Variants in UMAD1 observed in about 807,000 individuals in gnomAD.
UMAD1 encodes the protein UBAP1-MVB12-associated (UMA)-domain containing protein 1.
UMAD1 carries 8 observed loss-of-function variants against 6.1 expected under a neutral mutation model. That is an observed-to-expected ratio of 1.30 (90% CI 0.76 to 2.35). The LOEUF is 2.35. Ranked by LOEUF, UMAD1 falls within the 30% of genes most tolerant of loss-of-function variation. UMAD1 has a pLI of 0.00. For missense variants in UMAD1, 130 were observed against 78.4 expected (o/e 1.66, Z -2.49); for synonymous variants, 56 against 31.4 (o/e 1.78, Z -2.61).
intron 2 of UMAD1, among the ~76,000 whole-genome samples, chr7:7,793,949 A>G (rs1214813931): frequency 1.3e-5 from 2 of 152,220 alleles, no homozygotes; most frequent in Non-Finnish European, 2.9e-5. Flanking sequence ...CTTCGAAAAA[A>G]AATTTTTTTT....
At position 7,757,506 on chromosome 7, in the gene UMAD1, G is replaced by A. The variant is rs549781590; in HGVS notation, c.83-44164G>A. 5.7e-4 allele frequency among the ~76,000 whole-genome samples: 87 copies of A among 152,288 alleles called. 1 individual carries two copies. Among genetic ancestry groups the A allele is most frequent in the African/African-American group, 2.0e-3 (82 of 41,552 alleles). ...GTGTTGCAGAAGGAGAAATACTTAA[G>A]CTACCAAAGTAAAGCTACTTTAATC... On this transcript the variant is annotated intron_variant, in intron 2 of 3. Transcript: ENST00000682710.
At chr7:7,856,390 C>A (rs750347598) in intron 3 of UMAD1, among the ~76,000 whole-genome samples, 4 of 152,174 alleles carry the variant, frequency 2.6e-5, no homozygotes, top group African/African-American at 7.2e-5. Flanking sequence ...AGAATGAGTG[C>A]CAGCAGGGGA....
intron 3 of UMAD1, among the ~76,000 whole-genome samples, chr7:7,871,467 C>T (rs1279332707): frequency 6.6e-6 from 1 of 152,182 alleles, no homozygotes; most frequent in East Asian, 1.9e-4. Flanking sequence ...CTCTCTGTGC[C>T]TCAGTTTCCT....
At chr7:7,786,138 C>A (rs557482038) in intron 2 of UMAD1, among the ~76,000 whole-genome samples, 1 of 152,144 alleles carries the variant, frequency 6.6e-6, no homozygotes. Flanking sequence ...CCTACATTTA[C>A]GTTTTGTCCC....
intron 2 of UMAD1, among the ~76,000 whole-genome samples, chr7:7,767,565 C>T (rs540421490): frequency 2.6e-5 from 4 of 152,202 alleles, no homozygotes; most frequent in East Asian, 1.9e-4. Context: ...TATTTTTTCA[C>T]GAGATCATCA....
chr7:7,781,619 A>G (rs1782346528), intron 2 of UMAD1, among the ~76,000 whole-genome samples: 1 of 152,064 alleles, frequency 6.6e-6, no homozygotes, highest in African/African-American at 2.4e-5. Flanking sequence ...TAAAATTTAA[A>G]AATTTTATTT....
At chr7:7,696,704 C>T (rs1280084240) in intron 2 of UMAD1, among the ~76,000 whole-genome samples, 2 of 152,130 alleles carry the variant, frequency 1.3e-5, no homozygotes, top group Non-Finnish European at 2.9e-5. Flanking sequence ...GATTTTTCTG[C>T]CTCTAGAACT....
At chr7:7,760,797 A>C (rs1400600775) in intron 2 of UMAD1, among the ~76,000 whole-genome samples, 21 of 152,210 alleles carry the variant, frequency 1.4e-4, no homozygotes, top group Admixed American at 1.4e-3. Context: ...CATGCTATGA[A>C]GGGCCTTGAA....
chr7:7,805,395 C>T (rs1008668188), intron 3 of UMAD1, among the ~76,000 whole-genome samples: 1 of 152,144 alleles, frequency 6.6e-6, no homozygotes, highest in African/African-American at 2.4e-5. Flanking sequence ...CCTCACACTG[C>T]ACATCCAGTC....
chr7:7,798,645 T>G (rs1782735112), intron 2 of UMAD1, among the ~76,000 whole-genome samples: 1 of 152,186 alleles, frequency 6.6e-6, no homozygotes, highest in Non-Finnish European at 1.5e-5. Flanking sequence ...AGCCCTTGGC[T>G]CCTCTCTTCA....
At chr7:7,796,431 A>G (rs1270327887) in intron 2 of UMAD1, among the ~76,000 whole-genome samples, 1 of 151,270 alleles carries the variant, frequency 6.6e-6, no homozygotes, top group Non-Finnish European at 1.5e-5. Flanking sequence ...TTGCATTTTT[A>G]TTAGAGACGG....
Position 7,878,226 on chromosome 7 carries a change from C to G in UMAD1, c.*688C>G, listed in dbSNP as rs758751197. ...TGCCTTTTTGCTACTTCAGTGTGCT[C>G]TCTGACCAGCTTTCCAAAGAACTTT... On this transcript the variant is annotated 3_prime_UTR_variant, in exon 4 of 4. Transcript: ENST00000682710. The G allele has an allele frequency of 6.6e-6, 1 of 152,354 alleles. No individual in the cohort carries two copies. The highest frequency in any genetic ancestry group is 1.5e-5 in the Non-Finnish European group (1 of 68,130). The allele number at this position is 152,354 out of a possible 1,614,324, so 9.4% of individuals were successfully genotyped here. A position where few individuals can be genotyped will look rare whatever the true frequency, so the allele number is the denominator to read the frequency against.
chr7:7,741,283 AG>A (rs1265647721), intron 2 of UMAD1, among the ~76,000 whole-genome samples: 6 of 151,722 alleles, frequency 4.0e-5, no homozygotes, highest in African/African-American at 7.3e-5. Flanking sequence ...AAAAAAAAAA[AG>A]ACTGTGGCCT....
intron 3 of UMAD1, among the ~76,000 whole-genome samples, chr7:7,862,370 A>G (rs1784131997): frequency 1.3e-5 from 2 of 152,200 alleles, no homozygotes; most frequent in Admixed American, 1.3e-4. Context: ...AGCAATGCTG[A>G]GGAGATGGGC....
intron 1 of UMAD1, among the ~76,000 whole-genome samples, chr7:7,658,331 G>A (rs1785393784): frequency 6.6e-6 from 1 of 152,226 alleles, no homozygotes; most frequent in Non-Finnish European, 1.5e-5. Flanking sequence ...GCCCTGGCCA[G>A]AACTTCTAAT....
At chr7:7,780,276 T>A (rs1782317416) in intron 2 of UMAD1, among the ~76,000 whole-genome samples, 1 of 152,174 alleles carries the variant, frequency 6.6e-6, no homozygotes, top group Non-Finnish European at 1.5e-5. Context: ...ATAGGGGTAT[T>A]TCCCCATTTC....
At chr7:7,825,120 A>G (rs12702661) in intron 3 of UMAD1, among the ~76,000 whole-genome samples, 120,349 of 151,984 alleles carry the variant, frequency 0.79, 47,725 homozygotes, top group African/African-American at 0.84. Flanking sequence ...AATATCTTAG[A>G]GATGGGAATA....
intron 2 of UMAD1, among the ~76,000 whole-genome samples, chr7:7,733,508 A>G (rs1048904176): frequency 6.6e-6 from 1 of 150,742 alleles, no homozygotes; most frequent in Non-Finnish European, 1.5e-5. Context: ...GATGTTGCTC[A>G]TGTTTTGAAT....
intron 2 of UMAD1, among the ~76,000 whole-genome samples, chr7:7,755,905 A>G (rs1452567601): frequency 1.3e-5 from 2 of 152,224 alleles, no homozygotes; most frequent in Non-Finnish European, 2.9e-5. Context: ...GGATTCTTAT[A>G]CAAGATATGG....
Sources: allele counts gnomAD v4.1 joint callset (sites outside exome capture counted in the v4.1 genomes callset), GRCh38; gene constraint gnomAD v4.1.1; transcripts MANE v1.5; gene names NCBI Gene and HGNC (gene_info 2026-07-23, HGNC 2026-07-21).